Variants in DNAH6 observed in about 807,000 individuals in gnomAD.
The protein encoded by DNAH6 is dynein axonemal heavy chain 6.
Under a neutral mutation model 491.4 loss-of-function variants are expected in DNAH6, and 340 were observed. The ratio of observed to expected loss-of-function variants is 0.69; its 90% CI spans 0.63 to 0.76. The LOEUF (loss-of-function observed/expected upper bound fraction) is 0.76. Ranked by LOEUF, DNAH6 falls within the 30% of genes least tolerant of loss-of-function variation. The probability of loss-of-function intolerance (pLI) is 0.00; values close to 1 mark genes in which losing one functional copy is unlikely to be tolerated. For missense variants in DNAH6, 4,443 were observed against 4,972.2 expected, an observed-to-expected ratio of 0.89 and a Z score of 3.20; for synonymous variants, 1,603 against 1,686.1, an observed-to-expected ratio of 0.95 and a Z score of 1.21.
At chr2:84,659,193 T>C (rs1218217939) in intron 37 of DNAH6, 24 bp downstream of exon 37, 1 of 1,235,282 alleles carries the variant, frequency 8.1e-7, no homozygotes, top group Non-Finnish European at 1.1e-6. Flanking sequence ...AAATTATATT[T>C]TAACATAATA....
In DNAH6 at chr2:84,528,966, T is replaced by C. The variant is rs1428192237; in HGVS notation, c.462T>C (p.Ile154=). The C allele has an allele frequency of 3.9e-6, 6 of 1,551,004 alleles. No individual in the cohort carries two copies. In the East Asian group the frequency reaches 1.5e-4, roughly 38 times the overall value. ...CTCCTAAACTGCCACATACTGGTAT[T>C]GGAAAAAGAGGTCTCTTTGGGACTA... The part of the protein sequence containing the change: ...PSPPKLPHTG[I]GKRGLFGTRS... Residue 154 remains isoleucine, a synonymous_variant, in exon 4 of 77, where the codon ATT becomes ATC. Transcript: ENST00000389394.
intron 11 of DNAH6, among the ~76,000 whole-genome samples, chr2:84,564,220 T>A (rs1019228797): frequency 6.6e-6 from 1 of 152,172 alleles, no homozygotes; most frequent in African/African-American, 2.4e-5. Flanking sequence ...TAGTTTTTTC[T>A]AATTCTGTGA....
intron 64 of DNAH6, among the ~76,000 whole-genome samples, chr2:84,771,383 G>A (rs1675594551): frequency 6.6e-6 from 1 of 152,010 alleles, no homozygotes; most frequent in South Asian, 2.1e-4. Flanking sequence ...CTGAGAAGAG[G>A]AGAGAGAAGG....
rs1360049557 is a variant in DNAH6, at chr2:84,526,380, G to C, written c.399+642G>C. 2.0e-5 allele frequency among the ~76,000 whole-genome samples: 3 copies of C among 152,250 alleles called. No homozygotes were observed. The South Asian group carries it at 6.2e-4, about 32-fold the overall frequency. ...TGGGTCCAACCATTGGATTAGAACT[G>C]CTAGACGTGCACAGTTGAGGACAAG... On this transcript the variant is annotated intron_variant, in intron 3 of 76. Coordinates refer to ENST00000389394, the MANE Select transcript of DNAH6 (RefSeq NM_001370.2).
At chr2:84,595,520 A>T (rs929249015) in intron 17 of DNAH6, 126 bp from the exon 18 acceptor site, 1 of 829,672 alleles carries the variant, frequency 1.2e-6, no homozygotes, top group Non-Finnish European at 1.8e-6. Flanking sequence ...GCAATTTAAT[A>T]AGTAAAGCCA....
In DNAH6 at chr2:84,659,129, C is replaced by A. The variant is rs1034980650; in HGVS notation, c.6044C>A (p.Thr2015Lys). ...LTENYYDSFD[T>K]FIRTQFDDNP... The stretch of plus-strand genomic sequence containing the variant: ...GAAAACTACTATGATTCTTTTGATA[C>A]ATTTATTAGAACACAATTTGATGAT... Residue 2015 changes from threonine to lysine, a missense_variant, in exon 37 of 77, where the codon ACA becomes AAA. Coordinates refer to ENST00000389394, the MANE Select transcript of DNAH6 (RefSeq NM_001370.2). 6.6e-7 allele frequency: 1 copy of A among 1,508,120 alleles called. No homozygotes were observed. The highest frequency in any genetic ancestry group is 1.3e-5 in the South Asian group (1 of 79,334). The allele number at this position is 1,508,120 out of a possible 1,614,324, so 93.4% of individuals were successfully genotyped here.
At chr2:84,812,176 T>C (rs1258928494) in intron 72 of DNAH6, among the ~76,000 whole-genome samples, 165 bp from the exon 73 acceptor site, 1 of 152,204 alleles carries the variant, frequency 6.6e-6, no homozygotes, top group Non-Finnish European at 1.5e-5. Flanking sequence ...ATTGTAGTAA[T>C]GCGTGAAATA....
intron 48 of DNAH6, 63 bp from the exon 49 acceptor site, chr2:84,701,034 G>A: frequency 3.9e-6 from 6 of 1,521,118 alleles, no homozygotes; most frequent in Non-Finnish European, 5.3e-6. Flanking sequence ...GTTTTTCTTG[G>A]TATTAAACTG....
intron 22 of DNAH6, among the ~76,000 whole-genome samples, chr2:84,616,429 A>C (rs1686860908): frequency 2.0e-5 from 3 of 152,178 alleles, no homozygotes; most frequent in Middle Eastern, 3.4e-3. Flanking sequence ...AAGTCCTTTT[A>C]TCCTTATATA....
At chr2:84,506,983 T>G in the DNAH6 span, among the ~76,000 whole-genome samples, 5 of 152,328 alleles carry the variant, frequency 3.3e-5, no homozygotes, top group East Asian at 7.7e-4. Flanking sequence ...TGTAGTGTAG[T>G]TTGAAGTCAG....
intron 63 of DNAH6, among the ~76,000 whole-genome samples, chr2:84,760,764 G>A (rs1257534875): frequency 2.0e-5 from 3 of 151,948 alleles, no homozygotes; most frequent in Non-Finnish European, 4.4e-5. Context: ...AATTTTTTTT[G>A]AGGCATGATC....
At chr2:84,719,903 C>G (rs931903606) in intron 59 of DNAH6, among the ~76,000 whole-genome samples, 2 of 150,734 alleles carry the variant, frequency 1.3e-5, no homozygotes, top group African/African-American at 4.9e-5. Context: ...CACACAGACA[C>G]ACACACACAA....
chr2:84,631,283 G>A (rs1376146378), intron 29 of DNAH6, among the ~76,000 whole-genome samples: 1 of 152,082 alleles, frequency 6.6e-6, no homozygotes, highest in Non-Finnish European at 1.5e-5. Context: ...CCCCTCTCCA[G>A]GCTAAGCTGT....
chr2:84,783,288 G>A (rs560279376), intron 65 of DNAH6, among the ~76,000 whole-genome samples: 240 of 152,246 alleles, frequency 1.6e-3, no homozygotes, highest in Non-Finnish European at 2.7e-3. Context: ...ATCATGAAAA[G>A]TCCTGTACTA....
the DNAH6 span, among the ~76,000 whole-genome samples, chr2:84,482,797 A>G: frequency 6.6e-6 from 1 of 152,208 alleles, no homozygotes; most frequent in Admixed American, 6.5e-5. Flanking sequence ...AGGAGCACAG[A>G]TTGAGTGTAG....
At chr2:84,494,108 T>C in the DNAH6 span, among the ~76,000 whole-genome samples, 1 of 152,122 alleles carries the variant, frequency 6.6e-6, no homozygotes, top group African/African-American at 2.4e-5. Flanking sequence ...AAGGGCTGTC[T>C]TTGTGAAAGG....
chr2:84,760,721 A>G (rs1305224952), intron 63 of DNAH6, among the ~76,000 whole-genome samples: 1 of 152,240 alleles, frequency 6.6e-6, no homozygotes, highest in African/African-American at 2.4e-5. Flanking sequence ...AATGTAAATT[A>G]GTGCAACCTC....
rs933494861 is a variant in DNAH6, at chr2:84,628,784, C to T, written c.4515+3721C>T. 7.2e-5 allele frequency among the ~76,000 whole-genome samples: 11 copies of T among 151,994 alleles called. No homozygotes were observed. In the East Asian group the frequency reaches 1.2e-3, roughly 16 times the overall value. ...CGTCCTTTGATTCAAGTCAAATGTTCTCTCCCATTTTAAAAAAAAATACAT... is the reference window on the plus strand; with the variant it reads ...CGTCCTTTGATTCAAGTCAAATGTTTTCTCCCATTTTAAAAAAAAATACAT... On this transcript the variant is annotated intron_variant, in intron 29 of 76. Coordinates refer to ENST00000389394, the MANE Select transcript of DNAH6 (RefSeq NM_001370.2).
intron 68 of DNAH6, among the ~76,000 whole-genome samples, chr2:84,793,201 C>T (rs1235250395): frequency 4.1e-5 from 6 of 147,700 alleles, no homozygotes; most frequent in Middle Eastern, 3.2e-3. Flanking sequence ...CACACACACA[C>T]GCATGCACAC....
Sources: gnomAD v4.1 joint callset for allele counts (sites outside exome capture counted in the v4.1 genomes callset) on GRCh38, gnomAD v4.1.1 for gene constraint, MANE v1.5 for transcripts, NCBI Gene and HGNC (gene_info 2026-07-23, HGNC 2026-07-21) for gene names.